PARP1: variants seen among roughly 807,000 people sequenced by gnomAD.
PARP1 encodes the protein poly(ADP-ribose) polymerase 1.
PARP1 carries 44 observed loss-of-function variants against 118.7 expected under a neutral mutation model. The observed-to-expected ratio is 0.37, with a 90% CI of 0.29 to 0.48. PARP1 has a LOEUF of 0.48. PARP1 is among the 20% of genes least tolerant of loss of function. The pLI is 0.99. For synonymous variants in PARP1, 492 were observed against 483.2 expected (o/e 1.02, Z -0.24); for missense variants, 1,100 against 1,272.4 (o/e 0.86, Z 2.06).
chr1:226,368,214 A>G lies in PARP1; in HGVS notation c.2262T>C (p.Asn754=), dbSNP rs1218420928. Residue 754 remains asparagine, a synonymous_variant, in exon 16 of 23, where the codon AAT becomes AAC. Transcript: ENST00000366794. Reference sequence around the variant, plus strand: ...CTTGCGCTACCTGCACACTGTCTGCATTGTTCAGGAGCGGAGGCTTCTTCA... The same window carrying G: ...CTTGCGCTACCTGCACACTGTCTGCGTTGTTCAGGAGCGGAGGCTTCTTCA... ...FGMKKPPLLN[N]ADSVQAKVEM... is the part of the protein sequence containing the mutation. 1 of 1,614,190 alleles carries G rather than the reference A, an allele frequency of 6.2e-7. No individual in the cohort carries two copies. The highest frequency in any genetic ancestry group is 2.2e-5 in the East Asian group (1 of 44,882).
chr1:226,407,712 C>A, intron 1 of PARP1, 98 bp downstream of exon 1: 2 of 1,257,812 alleles, frequency 1.6e-6, no homozygotes, highest in South Asian at 1.4e-5. Flanking sequence ...AGGGCCCGGG[C>A]CCGCTCGCTC....
At chr1:226,395,478 A>G (rs1664897197) in intron 2 of PARP1, among the ~76,000 whole-genome samples, 1 of 151,996 alleles carries the variant, frequency 6.6e-6, no homozygotes, top group South Asian at 2.1e-4. Context: ...CCTTGTCTCC[A>G]CTAAAAATAC....
chr1:226,407,386 A>C (rs894789423), intron 1 of PARP1, among the ~76,000 whole-genome samples: 2 of 151,714 alleles, frequency 1.3e-5, no homozygotes, highest in Admixed American at 6.6e-5. Context: ...AAAAAAAAAA[A>C]AACCCACATG....
At chr1:226,365,454 C>T (rs567915539) in intron 18 of PARP1, among the ~76,000 whole-genome samples, 1 of 152,296 alleles carries the variant, frequency 6.6e-6, no homozygotes, top group East Asian at 1.9e-4. Context: ...AGGAAATGTC[C>T]TTTAAAACAG....
At chr1:226,362,174 T>C (rs1191726043) in intron 21 of PARP1, 91 bp from the exon 22 acceptor site, 4 of 745,674 alleles carry the variant, frequency 5.4e-6, no homozygotes, top group Admixed American at 4.3e-5. Context: ...GTTGGGTCCA[T>C]GTGGTCTTTC....
At chr1:226,375,499 A>G (rs981857029) in intron 13 of PARP1, among the ~76,000 whole-genome samples, 17 of 152,312 alleles carry the variant, frequency 1.1e-4, no homozygotes, top group Non-Finnish European at 2.5e-4. Flanking sequence ...ATGCAGCCTT[A>G]AATAATGCTC....
intron 22 of PARP1, 133 bp downstream of exon 22, chr1:226,361,836 A>G (rs1448269361): frequency 2.8e-6 from 2 of 720,608 alleles, no homozygotes; most frequent in Admixed American, 4.0e-5. Flanking sequence ...ACAGAAGGGA[A>G]ACAGTCACCA....
Position 226,360,883 on chromosome 1 carries a change from C to T in PARP1, c.*577G>A, listed in dbSNP as rs937417311. On this transcript the variant is annotated 3_prime_UTR_variant, in exon 23 of 23. Transcript: ENST00000366794. ...TGGAGAAGGAAAGCTCTTTTTGTTTCTAAGTATGAGAAATTGTTAGCGTTC... is the reference window on the plus strand; with the variant it reads ...TGGAGAAGGAAAGCTCTTTTTGTTTTTAAGTATGAGAAATTGTTAGCGTTC... The T allele has an allele frequency of 4.8e-5, 11 of 226,832 alleles. No homozygotes were observed. Among genetic ancestry groups the T allele is most frequent in the Non-Finnish European group, 7.0e-5 (8 of 114,210 alleles). The allele number at this position is 226,832 out of a possible 1,614,324, so 14.1% of individuals were successfully genotyped here. A position where few individuals can be genotyped will look rare whatever the true frequency, so the allele number is the denominator to read the frequency against.
intron 14 of PARP1, among the ~76,000 whole-genome samples, chr1:226,372,358 T>G (rs1245629989): frequency 6.6e-6 from 1 of 152,224 alleles, no homozygotes; most frequent in African/African-American, 2.4e-5. Context: ...ACTAGTTACC[T>G]GTCCAGTGAA....
At chr1:226,404,403 G>A (rs1665097112) in intron 1 of PARP1, among the ~76,000 whole-genome samples, 1 of 152,230 alleles carries the variant, frequency 6.6e-6, no homozygotes, top group African/African-American at 2.4e-5. Flanking sequence ...GGCTCTGCCT[G>A]CTTGTCTACC....
Position 226,366,004 on chromosome 1 carries a change from T to C in PARP1, c.2455A>G (p.Lys819Glu). 1 of 1,613,642 alleles carries C rather than the reference T, an allele frequency of 6.2e-7. No homozygotes were observed. The change falls in exon 18 of 23, where the codon AAG (lysine) becomes GAG (glutamate). Residue 819 changes from lysine (K) to glutamate (E), a missense_variant. Physicochemically the swap from Lys to Glu is moderately conservative, Grantham distance 56. Transcript: ENST00000366794. Reference sequence around the variant, plus strand: ...TTGTGTGTGGTTGCATGAGTGTTCTTAACATACTTCCTGATGATCTCGGCT... The same window carrying C: ...TTGTGTGTGGTTGCATGAGTGTTCTCAACATACTTCCTGATGATCTCGGCT... The part of the protein sequence containing the change: ...EEAEIIRKYV[K>E]NTHATTHNAY...
intron 8 of PARP1, 43 bp downstream of exon 8, chr1:226,382,992 AT>A: frequency 6.2e-7 from 1 of 1,607,606 alleles, no homozygotes; most frequent in Non-Finnish European, 8.5e-7. Flanking sequence ...TGGGCAAACA[AT>A]TCCTGCAAAG....
At position 226,392,662 on chromosome 1, in the gene PARP1, G is replaced by A. The variant is rs950168963; in HGVS notation, c.287-348C>T. 16 of 537,568 alleles carry A rather than the reference G, an allele frequency of 3.0e-5. No individual in the cohort carries two copies. In the African/African-American group the frequency reaches 3.0e-4, roughly 10 times the overall value. The allele number at this position is 537,568 out of a possible 1,614,324, so 33.3% of individuals were successfully genotyped here. On this transcript the variant is annotated intron_variant, in intron 2 of 22. Coordinates refer to ENST00000366794, the MANE Select transcript of PARP1 (RefSeq NM_001618.4). ...TACCTTAAAAGCCTGGAAGCATACT[G>A]ACGTCTCACTAAGGCTTCTAATTTC...
chr1:226,387,095 G>A (rs1664730556), intron 5 of PARP1, among the ~76,000 whole-genome samples: 2 of 152,092 alleles, frequency 1.3e-5, no homozygotes, highest in Admixed American at 6.5e-5. Flanking sequence ...CAATTCTCCT[G>A]CCTCAGTCTC....
Position 226,390,380 on chromosome 1 carries a change from C to T in PARP1, c.617+30G>A, listed in dbSNP as rs570254437. On this transcript the variant is annotated intron_variant, in intron 4 of 22. Transcript: ENST00000366794. Reference sequence around the variant, plus strand: ...CCTCCCTTGAACCCCTCACTGAACCCCCAGGGCAACCCCGCAGTGCTCCAC... The same window carrying T: ...CCTCCCTTGAACCCCTCACTGAACCTCCAGGGCAACCCCGCAGTGCTCCAC... 1.2e-5 allele frequency: 20 copies of T among 1,604,668 alleles called. No homozygotes were observed. In the South Asian group the frequency reaches 2.1e-4, roughly 17 times the overall value.
At chr1:226,362,116 G>A in intron 21 of PARP1, 33 bp from the exon 22 acceptor site, 1 of 1,217,062 alleles carries the variant, frequency 8.2e-7, no homozygotes, top group Non-Finnish European at 1.2e-6. Context: ...GACATGAACT[G>A]TGAGTACAGA....
chr1:226,396,767 A>C (rs571184643), intron 2 of PARP1, among the ~76,000 whole-genome samples: 4 of 151,938 alleles, frequency 2.6e-5, no homozygotes, highest in Non-Finnish European at 5.9e-5. Context: ...GCAAAACTCT[A>C]TCTCTACTAA....
At position 226,381,693 on chromosome 1, in the gene PARP1, G is replaced by A. The variant is rs372197126; in HGVS notation, c.1160-485C>T. Among the ~76,000 whole-genome samples the A allele has an allele frequency of 9.2e-5, 14 of 152,320 alleles. No individual in the cohort carries two copies. The South Asian group carries it at 1.4e-3, about 16-fold the overall frequency. ...AAAGCAGTGGCCAGCACAATCACAC[G>A]GAGCTGAGCTAACTGATTCTAGGAG... On this transcript the variant is annotated intron_variant, in intron 8 of 22. Transcript: ENST00000366794.
At chr1:226,401,819 T>C (rs1011530475) in intron 2 of PARP1, among the ~76,000 whole-genome samples, 2 of 152,068 alleles carry the variant, frequency 1.3e-5, no homozygotes, top group African/African-American at 4.8e-5. Context: ...TGGGCAATAA[T>C]GATGTGTCAG....
Sources: gnomAD v4.1 joint callset for allele counts (sites outside exome capture counted in the v4.1 genomes callset) on GRCh38, gnomAD v4.1.1 for gene constraint, MANE v1.5 for transcripts, NCBI Gene and HGNC (gene_info 2026-07-23, HGNC 2026-07-21) for gene names.